AOC2: variants seen among roughly 807,000 people sequenced by gnomAD.
AOC2 encodes the protein amine oxidase copper containing 2.
A neutral mutation model predicts 53.8 loss-of-function variants in AOC2; 57 were observed. The ratio of observed to expected loss-of-function variants is 1.06; its 90% CI spans 0.86 to 1.32. The LOEUF (loss-of-function observed/expected upper bound fraction) is 1.32. Among genes scored for constraint, AOC2 ranks in the 40% most tolerant of loss-of-function variants. AOC2 has a pLI of 0.00. For synonymous variants in AOC2, 404 were observed against 399.0 expected, an observed-to-expected ratio of 1.01 and a Z score of -0.15; for missense variants, 1,008 against 957.2, an observed-to-expected ratio of 1.05 and a Z score of -0.70.
chr17:42,844,718 C>G lies in AOC2; in HGVS notation c.92C>G (p.Ser31Cys), dbSNP rs1248995161. The G allele has an allele frequency of 6.2e-7, 1 of 1,614,212 alleles. No homozygotes were observed. Among genetic ancestry groups the G allele is most frequent in the Admixed American group, 1.7e-5 (1 of 60,032 alleles). The change falls in exon 1 of 4, where the codon TCC becomes TGC. Residue 31 changes from serine to cysteine, a missense_variant. Coordinates refer to ENST00000253799, the MANE Select transcript of AOC2 (RefSeq NM_009590.4). Reference sequence around the variant, plus strand: ...GTTTTGCTGACCAGCCCAGGTGGTTCCAGCCAGCCTCCCCACTGCCCCTCT... The same window carrying G: ...GTTTTGCTGACCAGCCCAGGTGGTTGCAGCCAGCCTCCCCACTGCCCCTCT... ...AYVLLTSPGG[S>C]SQPPHCPSVS...
intron 3 of AOC2, 36 bp from the exon 4 acceptor site, chr17:42,850,046 C>A: frequency 6.2e-7 from 1 of 1,601,560 alleles, no homozygotes; most frequent in South Asian, 1.1e-5. Flanking sequence ...TTGGGTCACG[C>A]TTCCATAGTC....
At chr17:42,847,377 G>C (rs1409845937) in intron 1 of AOC2, among the ~76,000 whole-genome samples, 1 of 152,240 alleles carries the variant, frequency 6.6e-6, no homozygotes, top group Non-Finnish European at 1.5e-5. Context: ...TCAGTGCAGT[G>C]CCTCCCGTGC....
intron 3 of AOC2, 123 bp downstream of exon 3, chr17:42,849,853 G>T: frequency 1.4e-6 from 2 of 1,438,642 alleles, no homozygotes; most frequent in Non-Finnish European, 1.9e-6. Context: ...AGGCCATGGA[G>T]TTTTCTGATG....
chr17:42,845,009 G>A lies in AOC2; in HGVS notation c.383G>A (p.Gly128Glu), dbSNP rs774396578. Residue 128 changes from glycine to glutamate, a missense_variant, in exon 1 of 4, where the codon GGA (glycine) becomes GAA (glutamate). Transcript: ENST00000253799. ...REALAIVLFG[G>E]QPQPNVSELV... ...GCACTGGCCATCGTCCTCTTTGGTG[G>A]ACAACCCCAACCCAATGTGAGTGAG... is the stretch of plus-strand genomic sequence containing the variant. 1.2e-5 allele frequency: 20 copies of A among 1,613,174 alleles called. No individual in the cohort carries two copies. The South Asian group carries it at 2.1e-4, about 17-fold the overall frequency.
In AOC2 at chr17:42,850,097, G is replaced by T. The variant is rs1417148686; in HGVS notation, c.2020G>T (p.Val674Phe). 2 of 1,613,908 alleles carry T rather than the reference G, an allele frequency of 1.2e-6. No homozygotes were observed. Among genetic ancestry groups the T allele is most frequent in the Admixed American group, 3.3e-5 (2 of 59,996 alleles). Residue 674 changes from valine to phenylalanine, a missense_variant, in exon 4 of 4, where the codon GTC becomes TTC. Coordinates refer to ENST00000253799, the MANE Select transcript of AOC2 (RefSeq NM_009590.4). The stretch of plus-strand genomic sequence containing the variant: ...CTTCTTGCAGGATCTGGTGGCTTGG[G>T]TCACAGCCAGCTTCCTGCACATTCC... Reference protein sequence around the residue: ...TLLGEDLVAWVTASFLHIPHA... With the variant: ...TLLGEDLVAWFTASFLHIPHA...
chr17:42,850,025 A>AG, intron 3 of AOC2, 57 bp from the exon 4 acceptor site: 1 of 1,576,782 alleles, frequency 6.3e-7, no homozygotes, highest in Admixed American at 1.7e-5. Context: ...TTGTGACTGA[A>AG]GGGTGGTTCT....
At chr17:42,847,803 CAG>C (rs926610219) in intron 1 of AOC2, among the ~76,000 whole-genome samples, 4 of 148,646 alleles carry the variant, frequency 2.7e-5, no homozygotes, top group Middle Eastern at 3.4e-3. Context: ...TTTTTGAAGA[CAG>C]AGTCTCACTC....
rs754956944 is a variant in AOC2, at chr17:42,849,332, C to T, written c.1835C>T (p.Pro612Leu). Residue 612 changes from proline to leucine, a missense_variant, in exon 2 of 4, where the codon CCC becomes CTC. Pro to Leu is a moderately conservative substitution (Grantham distance 98). Transcript: ENST00000253799. The stretch of plus-strand genomic sequence containing the variant: ...CACAGCCCCCTTGGCATACACATAC[C>T]CCTGGAGAGTGACATGGAGAGGGCC... ...QIHSPLGIHI[P>L]LESDMERALS... The T allele has an allele frequency of 6.2e-6, 10 of 1,614,018 alleles. No individual in the cohort carries two copies. In the East Asian group the frequency reaches 2.2e-4, roughly 36 times the overall value.
chr17:42,850,029 T>G (rs1597964530), intron 3 of AOC2, 53 bp from the exon 4 acceptor site: 3 of 1,578,924 alleles, frequency 1.9e-6, no homozygotes, highest in South Asian at 1.2e-5. Flanking sequence ...GACTGAAGGG[T>G]GGTTCTTTGG....
In AOC2 at chr17:42,844,779, C is replaced by T. The variant is rs2055576578; in HGVS notation, c.153C>T (p.Gly51=). Residue 51 remains glycine (G), a synonymous_variant, in exon 1 of 4, where the codon GGC becomes GGT. Transcript: ENST00000253799. ...SHRAQPWPHP[G]QSQLFADLSR... ...GGGCCCAGCCCTGGCCACACCCTGG[C>T]CAGAGCCAGCTGTTTGCAGACCTGA... 1 of 1,614,092 alleles carries T rather than the reference C, an allele frequency of 6.2e-7. No individual in the cohort carries two copies.
At position 42,845,961 on chromosome 17, in the gene AOC2, C is replaced by T; in HGVS notation, c.1335C>T (p.Phe445=). The T allele has an allele frequency of 1.2e-6, 2 of 1,614,196 alleles. No homozygotes were observed. The highest frequency in any genetic ancestry group is 1.7e-6 in the Non-Finnish European group (2 of 1,180,044). ...ACCACAATTACCTTCAAAATCATTT[C>T]TATGGTGGTTTGGCCAGCTCAGCCC... is the stretch of plus-strand genomic sequence containing the variant. The part of the protein sequence containing the change: ...RRHHNYLQNH[F]YGGLASSALV... The change falls in exon 1 of 4, where the codon TTC becomes TTT. Residue 445 remains phenylalanine (F), a synonymous_variant. Coordinates refer to ENST00000253799, the MANE Select transcript of AOC2 (RefSeq NM_009590.4).
rs770324303 is a variant in AOC2 at position 42,846,112 on chromosome 17, G to C, written c.1486G>C (p.Gly496Arg). Residue 496 changes from glycine to arginine, a missense_variant, in exon 1 of 4, where the codon GGG becomes CGG. Physicochemically the swap from Gly to Arg is moderately radical, Grantham distance 125. Transcript: ENST00000253799. ...TTATATCAACACAGCTTTCCTGAAA[G>C]GGGGAGAGGAGGGCCTCCTCTTTGG... Reference protein sequence around the residue: ...TGYINTAFLKGGEEGLLFGNR... With the variant: ...TGYINTAFLKRGEEGLLFGNR... 3 of 1,589,738 alleles carry C rather than the reference G, an allele frequency of 1.9e-6. No individual in the cohort carries two copies. Among genetic ancestry groups the C allele is most frequent in the African/African-American group, 1.3e-5 (1 of 74,410 alleles).
At chr17:42,849,484 AC>A (rs1349553755) in intron 2 of AOC2, 113 bp downstream of exon 2, 1 of 1,583,060 alleles carries the variant, frequency 6.3e-7, no homozygotes, top group East Asian at 2.2e-5. Context: ...CTCCCCTCAA[AC>A]CCAAGTTAGA....
At position 42,850,132 on chromosome 17, in the gene AOC2, G is replaced by A; in HGVS notation, c.2055G>A (p.Glu685=). 1 of 1,614,184 alleles carries A rather than the reference G, an allele frequency of 6.2e-7. No homozygotes were observed. The highest frequency in any genetic ancestry group is 1.1e-5 in the South Asian group (1 of 91,082). The stretch of plus-strand genomic sequence containing the variant: ...GCTTCCTGCACATTCCCCATGCCGA[G>A]GACATCCCAAACACAGTGACTCTGG... The part of the protein sequence containing the change: ...TASFLHIPHA[E]DIPNTVTLGN... Residue 685 remains glutamate, a synonymous_variant, in exon 4 of 4, where the codon GAG becomes GAA. Coordinates refer to ENST00000253799, the MANE Select transcript of AOC2 (RefSeq NM_009590.4).
At chr17:42,848,146 G>C (rs2055613419) in intron 1 of AOC2, among the ~76,000 whole-genome samples, 1 of 147,226 alleles carries the variant, frequency 6.8e-6, no homozygotes, top group South Asian at 2.1e-4. Context: ...CTGGGTTCAA[G>C]GGATCTGCAT....
At chr17:42,848,065 C>CTTTTTTTTTTTTTTTTTTTT (rs61450612) in intron 1 of AOC2, among the ~76,000 whole-genome samples, 2 of 101,374 alleles carry the variant, frequency 2.0e-5, no homozygotes, top group African/African-American at 1.1e-4. Flanking sequence ...CATGCCCGGC[C>CTTTTTTTTTTTTTTTTTTTT]TTTTTTTTTT....
At chr17:42,849,003 A>G in intron 1 of AOC2, 83 bp from the exon 2 acceptor site, 6 of 1,389,288 alleles carry the variant, frequency 4.3e-6, no homozygotes, top group Non-Finnish European at 5.9e-6. Flanking sequence ...ACACCAGTGC[A>G]GTGGACATCA....
chr17:42,849,645 G>A lies in AOC2; in HGVS notation c.1919G>A (p.Ser640Asn). 6.2e-7 allele frequency: 1 copy of A among 1,614,232 alleles called. No homozygotes were observed. Among genetic ancestry groups the A allele is most frequent in the Non-Finnish European group, 8.5e-7 (1 of 1,180,034 alleles). Residue 640 changes from serine (S) to asparagine (N), a missense_variant, in exon 3 of 4, where the codon AGC (serine) becomes AAC (asparagine). Ser to Asn is a conservative substitution (Grantham distance 46). Transcript: ENST00000253799. ...VTQRKEEESQ[S>N]SSIYHQNDIW... ...CAGAGAAAGGAGGAGGAGTCACAGA[G>A]CAGTAGCATCTATCACCAGAATGAC...
chr17:42,850,057 C>T (rs199508507), intron 3 of AOC2, 25 bp from the exon 4 acceptor site: 9 of 1,608,492 alleles, frequency 5.6e-6, no homozygotes, highest in Non-Finnish European at 6.8e-6. Context: ...TTCCATAGTC[C>T]TCCAGCTCCT....
Sources: gnomAD v4.1 joint callset for allele counts (sites outside exome capture counted in the v4.1 genomes callset) on GRCh38, gnomAD v4.1.1 for gene constraint, MANE v1.5 for transcripts, NCBI Gene and HGNC (gene_info 2026-07-23, HGNC 2026-07-21) for gene names.